HTR1E: variants seen among roughly 807,000 people sequenced by gnomAD.
HTR1E encodes the protein 5-hydroxytryptamine receptor 1E.
Under a neutral mutation model 3.4 loss-of-function variants are expected in HTR1E, and 3 were observed. The observed-to-expected ratio is 0.89, with a 90% CI of 0.41 to 2.31. The LOEUF is 2.31. Ranked by LOEUF, HTR1E falls within the 30% of genes most tolerant of loss-of-function variation. The pLI, the probability that HTR1E is intolerant of heterozygous loss-of-function variation, is 0.05. For synonymous variants in HTR1E, 170 were observed against 182.8 expected (o/e 0.93, Z 0.56); for missense variants, 392 against 467.0 (o/e 0.84, Z 1.48).
At chr6:87,008,533 T>C (rs1011878241) in intron 1 of HTR1E, among the ~76,000 whole-genome samples, 2 of 152,116 alleles carry the variant, frequency 1.3e-5, no homozygotes, top group Non-Finnish European at 2.9e-5. Flanking sequence ...TGAAAACCAA[T>C]AGATTAGCTA....
intron 1 of HTR1E, among the ~76,000 whole-genome samples, chr6:86,958,691 G>A (rs1487905656): frequency 6.6e-6 from 1 of 152,170 alleles, no homozygotes; most frequent in Non-Finnish European, 1.5e-5. Flanking sequence ...AACTCTGAAG[G>A]AGCAGGGGCT....
At chr6:86,948,181 G>C (rs1767152999) in intron 1 of HTR1E, among the ~76,000 whole-genome samples, 1 of 152,072 alleles carries the variant, frequency 6.6e-6, no homozygotes, top group African/African-American at 2.4e-5. Context: ...ATGGCTTCCA[G>C]CTTCATCCAT....
chr6:86,944,545 A>C (rs924477479), intron 1 of HTR1E, among the ~76,000 whole-genome samples: 1 of 152,250 alleles, frequency 6.6e-6, no homozygotes, highest in Non-Finnish European at 1.5e-5. Context: ...CTTTATAGAT[A>C]GTGATATAAG....
At chr6:87,010,471 G>GGC (rs1768205448) in intron 1 of HTR1E, among the ~76,000 whole-genome samples, 1 of 151,140 alleles carries the variant, frequency 6.6e-6, no homozygotes, top group African/African-American at 2.4e-5. Context: ...TCCCAGACGG[G>GGC]GTCTCGGCCG....
intron 1 of HTR1E, among the ~76,000 whole-genome samples, chr6:86,992,301 T>C (rs1261272815): frequency 1.3e-5 from 2 of 152,224 alleles, no homozygotes; most frequent in Non-Finnish European, 2.9e-5. Context: ...GCCCTTTTTC[T>C]CCTCATCTTT....
chr6:86,980,162 C>T lies in HTR1E; in HGVS notation c.-185-34988C>T, dbSNP rs563984354. On this transcript the variant is annotated intron_variant, in intron 1 of 1. Coordinates refer to ENST00000305344, the MANE Select transcript of HTR1E (RefSeq NM_000865.3). ...CAGCACTTTGGGAGGCCGAGGCGGG[C>T]GGATCATGAGGTCATGAGATGGAGA... 3.2e-4 allele frequency among the ~76,000 whole-genome samples: 48 copies of T among 152,008 alleles called. No individual in the cohort carries two copies. The South Asian group carries it at 8.9e-3, about 28-fold the overall frequency.
chr6:87,010,155 C>A (rs1768189167), intron 1 of HTR1E, among the ~76,000 whole-genome samples: 1 of 127,122 alleles, frequency 7.9e-6, no homozygotes, highest in African/African-American at 3.2e-5. Context: ...CGCCCCTCAC[C>A]TCCCGGACGG....
chr6:86,939,417 G>A (rs1768515920), intron 1 of HTR1E, among the ~76,000 whole-genome samples: 1 of 152,178 alleles, frequency 6.6e-6, no homozygotes, highest in African/African-American at 2.4e-5. Context: ...CTCAAATCCT[G>A]ATTCATCATT....
At chr6:87,014,165 C>T (rs1768281125) in intron 1 of HTR1E, among the ~76,000 whole-genome samples, 1 of 151,506 alleles carries the variant, frequency 6.6e-6, no homozygotes, top group Non-Finnish European at 1.5e-5. Context: ...ATGTAAATGA[C>T]GAGTTAAAGG....
chr6:87,001,533 G>A (rs1042012764), intron 1 of HTR1E, among the ~76,000 whole-genome samples: 1 of 152,200 alleles, frequency 6.6e-6, no homozygotes, highest in African/African-American at 2.4e-5. Context: ...ATTGGGTGCT[G>A]CAGCCAAGGA....
intron 1 of HTR1E, among the ~76,000 whole-genome samples, chr6:86,995,665 CAAAAAA>C (rs60134206): frequency 1.9e-4 from 7 of 36,696 alleles, no homozygotes; most frequent in East Asian, 6.6e-4. Context: ...GACTCCATCT[CAAAAAA>C]AAAAAAAAAA....
At chr6:86,978,734 T>C (rs1445455820) in intron 1 of HTR1E, among the ~76,000 whole-genome samples, 3 of 152,078 alleles carry the variant, frequency 2.0e-5, no homozygotes, top group Non-Finnish European at 2.9e-5. Context: ...GAGGTGCTGG[T>C]GAAAGTGTTT....
chr6:86,943,000 C>T (rs993130380), intron 1 of HTR1E, among the ~76,000 whole-genome samples: 2 of 152,290 alleles, frequency 1.3e-5, no homozygotes, highest in Non-Finnish European at 1.5e-5. Context: ...GATGTCCAGC[C>T]GGGTCCCATT....
chr6:86,942,596 A>G (rs1251338007), intron 1 of HTR1E, among the ~76,000 whole-genome samples: 2 of 152,254 alleles, frequency 1.3e-5, no homozygotes, highest in African/African-American at 4.8e-5. Flanking sequence ...AATTCCTTAC[A>G]CAATGCTCTA....
intron 1 of HTR1E, among the ~76,000 whole-genome samples, chr6:87,013,060 G>C (rs1354919364): frequency 6.6e-6 from 1 of 152,196 alleles, no homozygotes; most frequent in Non-Finnish European, 1.5e-5. Context: ...TAATTTTTAA[G>C]ATGAGCAGGT....
At chr6:86,994,257 G>T (rs1302452511) in intron 1 of HTR1E, among the ~76,000 whole-genome samples, 3 of 152,030 alleles carry the variant, frequency 2.0e-5, no homozygotes, top group African/African-American at 7.2e-5. Flanking sequence ...TTTGGCAAAA[G>T]ATAGAGAAAA....
At chr6:86,955,508 C>T (rs1386655849) in intron 1 of HTR1E, among the ~76,000 whole-genome samples, 2 of 152,140 alleles carry the variant, frequency 1.3e-5, no homozygotes, top group African/African-American at 2.4e-5. Flanking sequence ...TAGAATTTTA[C>T]CTCTGCCTGC....
chr6:86,972,647 A>G (rs753240025), intron 1 of HTR1E, among the ~76,000 whole-genome samples: 1 of 152,346 alleles, frequency 6.6e-6, no homozygotes, highest in East Asian at 1.9e-4. Context: ...GACTTTAAAA[A>G]TAATATTTCA....
intron 1 of HTR1E, among the ~76,000 whole-genome samples, chr6:86,944,267 C>T (rs1768584731): frequency 6.6e-6 from 1 of 152,186 alleles, no homozygotes; most frequent in Non-Finnish European, 1.5e-5. Flanking sequence ...TCACTAGTTT[C>T]AGCCTAATTC....
Sources: allele counts gnomAD v4.1 joint callset (sites outside exome capture counted in the v4.1 genomes callset), GRCh38; gene constraint gnomAD v4.1.1; transcripts MANE v1.5; gene names NCBI Gene and HGNC (gene_info 2026-07-23, HGNC 2026-07-21).